TRPM3: variants seen among roughly 807,000 people sequenced by gnomAD.
The protein encoded by TRPM3 is long transient receptor potential channel 3.
A neutral mutation model predicts 181.2 loss-of-function variants in TRPM3; 77 were observed. That is an observed-to-expected ratio of 0.42 (90% CI 0.35 to 0.51). TRPM3 has a LOEUF of 0.51. Among genes scored for constraint, TRPM3 ranks in the 20% least tolerant of loss-of-function variants. The pLI, the probability that TRPM3 is intolerant of heterozygous loss-of-function variation, is 0.01. For missense variants in TRPM3, 1,759 were observed against 2,196.7 expected (o/e 0.80, Z 3.98); for synonymous variants, 745 against 796.4 (o/e 0.94, Z 1.09).
In TRPM3 at chr9:71,204,636, C is replaced by A. The variant is rs1474956954; in HGVS notation, c.183+242017G>T. 7.9e-5 allele frequency among the ~76,000 whole-genome samples: 12 copies of A among 152,218 alleles called. No homozygotes were observed. The East Asian group carries it at 1.9e-3, about 25-fold the overall frequency. On this transcript the variant is annotated intron_variant, in intron 1 of 24. Coordinates refer to the TRPM3 transcript ENST00000357533. Reference sequence around the variant, plus strand: ...GGTGGGACTGTAAACTAGTTCAACCCTTGTGGAAGTCAGTGTGGCAATTCT... The same window carrying A: ...GGTGGGACTGTAAACTAGTTCAACCATTGTGGAAGTCAGTGTGGCAATTCT...
intron 1 of TRPM3, among the ~76,000 whole-genome samples, chr9:71,430,906 C>T (rs1175791515): frequency 6.6e-6 from 1 of 152,126 alleles, no homozygotes; most frequent in Admixed American, 6.6e-5. Context: ...CTGAACATTT[C>T]TCTTTCTGAT....
chr9:70,539,490 G>A (rs200163808), intron 25 of TRPM3, among the ~76,000 whole-genome samples: 1 of 85,684 alleles, frequency 1.2e-5, no homozygotes, highest in Admixed American at 1.1e-4. Flanking sequence ...TTTTTTTTTT[G>A]CTCCCTCCTG....
intron 6 of TRPM3, among the ~76,000 whole-genome samples, chr9:70,802,693 C>A (rs973616520): frequency 6.6e-6 from 1 of 152,182 alleles, no homozygotes; most frequent in Admixed American, 6.5e-5. Flanking sequence ...AGACATGCAC[C>A]ATTCTTGCAA....
rs368865192 is a variant in TRPM3 at position 70,906,678 on chromosome 9, G to A, written c.178-42167C>T. Among the ~76,000 whole-genome samples, 24 of 152,256 alleles carry A rather than the reference G, an allele frequency of 1.6e-4. 1 individual carries two copies. The South Asian group carries it at 4.2e-3, about 26-fold the overall frequency. On this transcript the variant is annotated intron_variant, in intron 1 of 25. Coordinates refer to ENST00000677713, the MANE Select transcript of TRPM3 (RefSeq NM_001366145.2). ...AGCACTTTGAGAGGCCAAGGCCGGC[G>A]GATCACCTGAGGTCAGGAGTTCGAG... is the stretch of plus-strand genomic sequence containing the variant.
At chr9:71,207,983 G>C (rs1456662130) in intron 1 of TRPM3, among the ~76,000 whole-genome samples, 1 of 152,098 alleles carries the variant, frequency 6.6e-6, no homozygotes, top group Non-Finnish European at 1.5e-5. Context: ...TTAACCCCTA[G>C]AGTGATGAAT....
At chr9:70,566,457 G>A (rs2050612885) in intron 22 of TRPM3, among the ~76,000 whole-genome samples, 1 of 152,162 alleles carries the variant, frequency 6.6e-6, no homozygotes, top group Non-Finnish European at 1.5e-5. Flanking sequence ...AAAGCAGCAT[G>A]TGGAGGCTTT....
At chr9:70,654,905 G>A (rs138635746) in intron 9 of TRPM3, among the ~76,000 whole-genome samples, 1,653 of 151,098 alleles carry the variant, frequency 0.011, 27 homozygotes, top group African/African-American at 0.037. Context: ...GGATGGTCTC[G>A]ATCTCCTGAC....
Position 71,213,214 on chromosome 9 carries a change from T to C in TRPM3, c.183+233439A>G, listed in dbSNP as rs146275802. ...AGGAATGAGTGTGGCCATGTTTCAA[T>C]AAAATTTTCTTTGAGAATACTAAAA... On this transcript the variant is annotated intron_variant, in intron 1 of 24. Transcript: ENST00000357533. Among the ~76,000 whole-genome samples, 77 of 152,324 alleles carry C rather than the reference T, an allele frequency of 5.1e-4. 1 individual carries two copies. The highest frequency in any genetic ancestry group is 1.8e-3 in the African/African-American group (76 of 41,580).
At chr9:70,832,001 A>ATATTTAT (rs1564497915) in intron 5 of TRPM3, among the ~76,000 whole-genome samples, 1 of 126,048 alleles carries the variant, frequency 7.9e-6, no homozygotes. Flanking sequence ...ATATATACCT[A>ATATTTAT]CTATGTACCC....
chr9:71,083,623 TA>T (rs554078472), intron 1 of TRPM3, among the ~76,000 whole-genome samples: 49 of 152,064 alleles, frequency 3.2e-4, no homozygotes, highest in African/African-American at 1.1e-3. Flanking sequence ...ATGCATTAAT[TA>T]TTTTTTTGCT....
chr9:71,332,656 T>A (rs1392363155), intron 1 of TRPM3, among the ~76,000 whole-genome samples: 1 of 151,802 alleles, frequency 6.6e-6, no homozygotes, highest in Non-Finnish European at 1.5e-5. Flanking sequence ...ATATTTCATT[T>A]TAGTTGCACA....
At chr9:70,986,234 C>A (rs1161941719) in intron 1 of TRPM3, among the ~76,000 whole-genome samples, 1 of 152,058 alleles carries the variant, frequency 6.6e-6, no homozygotes, top group African/African-American at 2.4e-5. Context: ...CATGGTGGTG[C>A]AAGACTGCTG....
intron 1 of TRPM3, among the ~76,000 whole-genome samples, chr9:71,161,549 T>C (rs1049014265): frequency 2.0e-5 from 3 of 152,136 alleles, no homozygotes; most frequent in Non-Finnish European, 4.4e-5. Context: ...TTGAAAATAA[T>C]ATAAGGGCTT....
intron 1 of TRPM3, among the ~76,000 whole-genome samples, chr9:71,061,018 T>C (rs1054474571): frequency 1.3e-5 from 2 of 152,112 alleles, no homozygotes; most frequent in Admixed American, 6.6e-5. Flanking sequence ...TCTGGGTCTT[T>C]ATCCCTCTAA....
chr9:71,254,870 A>G (rs1457254719), intron 1 of TRPM3, among the ~76,000 whole-genome samples: 3 of 152,208 alleles, frequency 2.0e-5, no homozygotes, highest in East Asian at 1.9e-4. Flanking sequence ...AGATGAAAGG[A>G]AAGAAGACAA....
intron 1 of TRPM3, among the ~76,000 whole-genome samples, chr9:71,288,291 A>C (rs894309230): frequency 1.3e-5 from 2 of 152,022 alleles, no homozygotes; most frequent in Non-Finnish European, 2.9e-5. Flanking sequence ...GTCTACGATA[A>C]ACGCTATTTT....
At chr9:71,144,039 C>T (rs1426874736) in intron 1 of TRPM3, among the ~76,000 whole-genome samples, 1 of 152,216 alleles carries the variant, frequency 6.6e-6, no homozygotes, top group East Asian at 1.9e-4. Flanking sequence ...AGATATATTC[C>T]AAGCAACATC....
intron 1 of TRPM3, among the ~76,000 whole-genome samples, chr9:71,115,007 A>G (rs1479351812): frequency 6.6e-6 from 1 of 152,250 alleles, no homozygotes; most frequent in Non-Finnish European, 1.5e-5. Context: ...AGATTCTATC[A>G]TCTAGAACTC....
chr9:71,076,636 G>A (rs1227421516), intron 1 of TRPM3, among the ~76,000 whole-genome samples: 1 of 152,204 alleles, frequency 6.6e-6, no homozygotes, highest in Non-Finnish European at 1.5e-5. Context: ...GGGGAGAAAG[G>A]CAGCTGAGTT....
Sources: gnomAD v4.1 joint callset for allele counts (sites outside exome capture counted in the v4.1 genomes callset) on GRCh38, gnomAD v4.1.1 for gene constraint, MANE v1.5 for transcripts, NCBI Gene and HGNC (gene_info 2026-07-23, HGNC 2026-07-21) for gene names.